HS6ST3: variants seen among roughly 807,000 people sequenced by gnomAD.
The protein encoded by HS6ST3 is heparan-sulfate 6-O-sulfotransferase 3.
In HS6ST3, 12 loss-of-function variants were observed where a neutral mutation model predicts 36.7. That is an observed-to-expected ratio of 0.33 (90% CI 0.21 to 0.53). The LOEUF is 0.53. HS6ST3 is among the 20% of genes least tolerant of loss of function. The pLI is 0.95. For missense variants in HS6ST3, 584 were observed against 640.9 expected (o/e 0.91, Z 0.96); for synonymous variants, 240 against 257.5 (o/e 0.93, Z 0.65).
At chr13:96,272,454 A>G (rs544022673) in intron 1 of HS6ST3, among the ~76,000 whole-genome samples, 2 of 152,004 alleles carry the variant, frequency 1.3e-5, no homozygotes, top group East Asian at 1.9e-4. Flanking sequence ...CTCCTCCCCA[A>G]TTCCTGTTTA....
chr13:96,210,421 G>A (rs1214804891), intron 1 of HS6ST3, among the ~76,000 whole-genome samples: 1 of 152,122 alleles, frequency 6.6e-6, no homozygotes, highest in Non-Finnish European at 1.5e-5. Flanking sequence ...CGGGTCCTGA[G>A]GTGTGACCCT....
chr13:96,494,189 T>G (rs1440237160), intron 1 of HS6ST3, among the ~76,000 whole-genome samples: 1 of 152,042 alleles, frequency 6.6e-6, no homozygotes, highest in Non-Finnish European at 1.5e-5. Flanking sequence ...GTGGCACCTA[T>G]ACACCATGGA....
chr13:96,491,058 C>T (rs1224771600), intron 1 of HS6ST3, among the ~76,000 whole-genome samples: 5 of 152,198 alleles, frequency 3.3e-5, no homozygotes, highest in Admixed American at 6.5e-5. Context: ...TCTGGGAGAC[C>T]GTAGGGTATA....
At position 96,695,036 on chromosome 13, in the gene HS6ST3, C is replaced by G. The variant is rs185486033; in HGVS notation, c.708-137454C>G. On this transcript the variant is annotated intron_variant, in intron 1 of 1. Transcript: ENST00000376705. ...ATATCAGCTAAGTGTTTGAACATGC[C>G]TAGTGATGAGAAAGCCCATTTCATG... Among the ~76,000 whole-genome samples the G allele has an allele frequency of 1.7e-3, 255 of 152,180 alleles. 2 individuals are homozygous for G. Among genetic ancestry groups the G allele is most frequent in the Non-Finnish European group, 3.1e-4 (21 of 68,018 alleles).
At chr13:96,175,583 GATCCCACAGACCTATGA>G (rs1292143564) in intron 1 of HS6ST3, among the ~76,000 whole-genome samples, 3 of 150,224 alleles carry the variant, frequency 2.0e-5, no homozygotes, top group Non-Finnish European at 4.4e-5. Flanking sequence ...GATCTGAATG[GATCCCACAGACCTATGA>G]ACTTTTCTCA....
intron 1 of HS6ST3, among the ~76,000 whole-genome samples, chr13:96,649,320 T>A (rs2056599655): frequency 6.6e-6 from 1 of 151,712 alleles, no homozygotes. Context: ...GAGTGAAGAG[T>A]GGGGAAGCCC....
chr13:96,396,793 G>A (rs545631128), intron 1 of HS6ST3, among the ~76,000 whole-genome samples: 52 of 152,278 alleles, frequency 3.4e-4, no homozygotes, highest in African/African-American at 1.2e-3. Flanking sequence ...CAATGCAGCA[G>A]TTACAAATGG....
At chr13:96,830,525 A>G (rs1370336484) in intron 1 of HS6ST3, among the ~76,000 whole-genome samples, 5 of 152,208 alleles carry the variant, frequency 3.3e-5, no homozygotes, top group Admixed American at 2.6e-4. Flanking sequence ...ACATGTATTT[A>G]TTTTATCATC....
chr13:96,232,927 A>G (rs1450531935), intron 1 of HS6ST3, among the ~76,000 whole-genome samples: 2 of 152,130 alleles, frequency 1.3e-5, no homozygotes, highest in Non-Finnish European at 2.9e-5. Context: ...TTCATGATGT[A>G]TGTGGCCTTG....
chr13:96,158,300 A>T (rs1182857816), intron 1 of HS6ST3, among the ~76,000 whole-genome samples: 1 of 152,062 alleles, frequency 6.6e-6, no homozygotes, highest in Non-Finnish European at 1.5e-5. Flanking sequence ...TTCTGCTGGG[A>T]GATGGCATGG....
intron 1 of HS6ST3, among the ~76,000 whole-genome samples, chr13:96,156,336 A>T (rs1259131499): frequency 6.6e-6 from 1 of 152,204 alleles, no homozygotes; most frequent in African/African-American, 2.4e-5. Context: ...TACAGTGCAG[A>T]CAAGAAGCAC....
chr13:96,508,281 T>C (rs1464332452), intron 1 of HS6ST3, among the ~76,000 whole-genome samples: 1 of 152,088 alleles, frequency 6.6e-6, no homozygotes. Context: ...ACTTGTAGTT[T>C]TCATTTTTTT....
chr13:96,686,440 A>G (rs1292486997), intron 1 of HS6ST3, among the ~76,000 whole-genome samples: 1 of 152,042 alleles, frequency 6.6e-6, no homozygotes, highest in African/African-American at 2.4e-5. Context: ...TATTATTTTC[A>G]TTGAATGCAA....
intron 1 of HS6ST3, among the ~76,000 whole-genome samples, chr13:96,170,168 T>C (rs1327625): frequency 0.95 from 144,427 of 152,334 alleles, 68,565 homozygotes; most frequent in African/African-American, 0.97. Flanking sequence ...CAAGAGTAAA[T>C]AACACAAGAG....
intron 1 of HS6ST3, among the ~76,000 whole-genome samples, chr13:96,185,929 G>T (rs1039638943): frequency 1.3e-5 from 2 of 152,130 alleles, no homozygotes; most frequent in Non-Finnish European, 2.9e-5. Flanking sequence ...CTCCCAAATT[G>T]TGCTGAGGTG....
chr13:96,753,563 A>G (rs1876751592), intron 1 of HS6ST3, among the ~76,000 whole-genome samples: 2 of 152,264 alleles, frequency 1.3e-5, no homozygotes, highest in South Asian at 2.1e-4. Flanking sequence ...CCAAATTGCT[A>G]AACTCTCTTA....
chr13:96,239,844 T>G (rs1035862791), intron 1 of HS6ST3, among the ~76,000 whole-genome samples: 7 of 152,150 alleles, frequency 4.6e-5, no homozygotes, highest in Non-Finnish European at 1.0e-4. Context: ...TGTGATTCTA[T>G]CTAAGTGGAA....
intron 1 of HS6ST3, among the ~76,000 whole-genome samples, chr13:96,556,942 C>G (rs1288785884): frequency 6.6e-6 from 1 of 152,164 alleles, no homozygotes. Flanking sequence ...GCAGCAGCTA[C>G]AGCAAAGTGC....
At chr13:96,108,293 A>G (rs987487002) in intron 1 of HS6ST3, among the ~76,000 whole-genome samples, 2 of 152,170 alleles carry the variant, frequency 1.3e-5, no homozygotes, top group Admixed American at 6.5e-5. Flanking sequence ...TAGGATTAGG[A>G]AATTCCAGCC....
Sources: gnomAD v4.1 joint callset for allele counts (sites outside exome capture counted in the v4.1 genomes callset) on GRCh38, gnomAD v4.1.1 for gene constraint, MANE v1.5 for transcripts, NCBI Gene and HGNC (gene_info 2026-07-23, HGNC 2026-07-21) for gene names.